MACROD2: variants seen among roughly 807,000 people sequenced by gnomAD.
The protein encoded by MACROD2 is mono-ADP ribosylhydrolase 2, also known as ADP-ribose glycohydrolase MACROD2.
Under a neutral mutation model 70.4 loss-of-function variants are expected in MACROD2, and 36 were observed. The ratio of observed to expected loss-of-function variants is 0.51; its 90% confidence interval spans 0.39 to 0.68. The LOEUF (loss-of-function observed/expected upper bound fraction) is 0.68. MACROD2 is among the 30% of genes least tolerant of loss of function. MACROD2 has a pLI of 0.00. For synonymous variants in MACROD2, 172 were observed against 178.8 expected, an observed-to-expected ratio of 0.96 and a Z score of 0.30; for missense variants, 496 against 538.4, an observed-to-expected ratio of 0.92 and a Z score of 0.78.
In MACROD2 at chr20:15,608,311, C is replaced by T. The variant is rs138544611; in HGVS notation, c.645+108464C>T. Among the ~76,000 whole-genome samples, 698 of 152,342 alleles carry T rather than the reference C, an allele frequency of 4.6e-3. 3 individuals are homozygous for T. The highest frequency in any genetic ancestry group is 0.016 in the African/African-American group (674 of 41,584). ...TGCACCATTAAGCCTTGTGCTTGGC[C>T]ACAGGACATAACTTGGTCAATGGAA... On this transcript the variant is annotated intron_variant, in intron 8 of 17. Coordinates refer to ENST00000684519, the MANE Select transcript of MACROD2 (RefSeq NM_001351661.2).
At chr20:14,811,945 C>T (rs968950310) in intron 5 of MACROD2, among the ~76,000 whole-genome samples, 9 of 151,922 alleles carry the variant, frequency 5.9e-5, no homozygotes, top group South Asian at 2.1e-4. Flanking sequence ...CTGGAGAGGA[C>T]GTGGAGACAT....
At chr20:14,662,407 C>A (rs112393949) in intron 4 of MACROD2, among the ~76,000 whole-genome samples, 4,566 of 151,996 alleles carry the variant, frequency 0.03, 100 homozygotes, top group Non-Finnish European at 0.044. Flanking sequence ...CTAGGCAATA[C>A]CATTTTGGAC....
chr20:14,810,618 G>A (rs540152036), intron 5 of MACROD2, among the ~76,000 whole-genome samples: 1 of 152,076 alleles, frequency 6.6e-6, no homozygotes, highest in Admixed American at 6.6e-5. Flanking sequence ...AGAAATGAAG[G>A]GTATTCAAAT....
At chr20:14,762,947 A>G (rs2072036726) in intron 5 of MACROD2, among the ~76,000 whole-genome samples, 1 of 152,046 alleles carries the variant, frequency 6.6e-6, no homozygotes, top group African/African-American at 2.4e-5. Context: ...AAACAAACAA[A>G]CAAACAAAAA....
intron 3 of MACROD2, chr20:14,323,211 A>G (rs554288221): frequency 1.3e-5 from 2 of 152,328 alleles, no homozygotes; most frequent in East Asian, 1.9e-4. Context: ...TTCAGACACC[A>G]GTTGCAAGAC....
chr20:15,752,141 A>G lies in MACROD2; in HGVS notation c.646-110604A>G, dbSNP rs542717533. 2.2e-4 allele frequency among the ~76,000 whole-genome samples: 34 copies of G among 152,076 alleles called. 1 individual carries two copies. The South Asian group carries it at 6.2e-3, about 28-fold the overall frequency. ...TTTGCATTAGAGTCTTTAGTTTGCAAAGATCTTCACAAATATCTAATCTTC... is the reference window on the plus strand; with the variant it reads ...TTTGCATTAGAGTCTTTAGTTTGCAGAGATCTTCACAAATATCTAATCTTC... On this transcript the variant is annotated intron_variant, in intron 8 of 17. Transcript: ENST00000684519.
intron 3 of MACROD2, among the ~76,000 whole-genome samples, chr20:14,140,817 G>A (rs191618779): frequency 2.0e-5 from 3 of 152,164 alleles, no homozygotes; most frequent in East Asian, 1.9e-4. Flanking sequence ...CAGTGGTATC[G>A]GCCGAGAGAG....
At chr20:15,266,133 G>A (rs895008465) in intron 6 of MACROD2, among the ~76,000 whole-genome samples, 8 of 152,076 alleles carry the variant, frequency 5.3e-5, no homozygotes, top group Non-Finnish European at 8.8e-5. Context: ...TGGAGAATGT[G>A]GATCACTTTT....
intron 5 of MACROD2, among the ~76,000 whole-genome samples, chr20:15,227,384 T>A (rs1380170307): frequency 6.7e-6 from 1 of 149,858 alleles, no homozygotes; most frequent in African/African-American, 2.4e-5. Context: ...CCTCTTTCCC[T>A]TCCTCCCTCG....
Position 16,037,402 on chromosome 20 carries a change from A to C in MACROD2, c.1154-3799A>C, listed in dbSNP as rs184762027. Reference sequence around the variant, plus strand: ...TTACCATTGAGAGTAACAACTTAGAAAGATATTTCCTGAAAGAATCAGCTA... The same window carrying C: ...TTACCATTGAGAGTAACAACTTAGACAGATATTTCCTGAAAGAATCAGCTA... On this transcript the variant is annotated intron_variant, in intron 15 of 17. Transcript: ENST00000684519. Among the ~76,000 whole-genome samples, 20 of 152,090 alleles carry C rather than the reference A, an allele frequency of 1.3e-4. No homozygotes were observed. In the East Asian group the frequency reaches 3.1e-3, roughly 24 times the overall value.
At chr20:14,169,383 C>CA (rs1196412576) in intron 3 of MACROD2, among the ~76,000 whole-genome samples, 1 of 152,146 alleles carries the variant, frequency 6.6e-6, no homozygotes, top group African/African-American at 2.4e-5. Flanking sequence ...TGGCTCACTG[C>CA]AACCTCCGCC....
chr20:14,764,370 G>T (rs1055918395), intron 5 of MACROD2, among the ~76,000 whole-genome samples: 3 of 152,094 alleles, frequency 2.0e-5, no homozygotes, highest in Admixed American at 1.3e-4. Context: ...TGCTTTTCCA[G>T]TTGCCTGAAA....
intron 3 of MACROD2, among the ~76,000 whole-genome samples, chr20:14,232,799 T>C (rs753343657): frequency 2.0e-5 from 3 of 152,240 alleles, no homozygotes; most frequent in Non-Finnish European, 4.4e-5. Context: ...CTTCAAGAAA[T>C]TTTCCTTTGC....
intron 3 of MACROD2, among the ~76,000 whole-genome samples, chr20:14,406,881 G>A (rs1459451158): frequency 6.6e-6 from 1 of 152,034 alleles, no homozygotes; most frequent in African/African-American, 2.4e-5. Context: ...TCATTTCTTT[G>A]TAGGAAGGGC....
chr20:15,941,196 G>T (rs2065746853), intron 12 of MACROD2, among the ~76,000 whole-genome samples: 1 of 152,058 alleles, frequency 6.6e-6, no homozygotes, highest in Non-Finnish European at 1.5e-5. Flanking sequence ...TATCACAAAT[G>T]CAGTTCCTAT....
At chr20:15,235,900 T>C (rs1203118323) in intron 6 of MACROD2, among the ~76,000 whole-genome samples, 2 of 152,202 alleles carry the variant, frequency 1.3e-5, no homozygotes, top group Admixed American at 1.3e-4. Flanking sequence ...TCTTTTCCAG[T>C]TTCCTTTTAG....
chr20:14,437,837 A>G (rs938785232), intron 3 of MACROD2, among the ~76,000 whole-genome samples: 1 of 152,182 alleles, frequency 6.6e-6, no homozygotes, highest in Admixed American at 6.5e-5. Context: ...TCTCTTGTGT[A>G]TATTTAAGAT....
chr20:14,498,425 A>G (rs1280084261), intron 4 of MACROD2, among the ~76,000 whole-genome samples: 1 of 152,240 alleles, frequency 6.6e-6, no homozygotes, highest in African/African-American at 2.4e-5. Flanking sequence ...TTCATTCAGC[A>G]AATATTAATT....
chr20:14,837,091 A>G (rs527728295), intron 5 of MACROD2, among the ~76,000 whole-genome samples: 1 of 151,874 alleles, frequency 6.6e-6, no homozygotes, highest in African/African-American at 2.4e-5. Flanking sequence ...TTCACTCTTG[A>G]GCCTGTTTCT....
Sources: allele counts gnomAD v4.1 joint callset (sites outside exome capture counted in the v4.1 genomes callset), GRCh38; gene constraint gnomAD v4.1.1; transcripts MANE v1.5; gene names NCBI Gene and HGNC (gene_info 2026-07-23, HGNC 2026-07-21).